The following ZNF568 variants were observed in gnomAD, a reference collection of about 807,000 sequenced individuals.
ZNF568 encodes p53 inhibitor of SCO2 activation.
In ZNF568, 11 loss-of-function variants were observed where a neutral mutation model predicts 18.1. That is an observed-to-expected ratio of 0.61 (90% CI 0.38 to 1.00). ZNF568 has a LOEUF of 1.00. Among genes scored for constraint, ZNF568 ranks in the 50% least tolerant of loss-of-function variants. The probability of loss-of-function intolerance (pLI) is 0.01; values close to 1 mark genes in which losing one functional copy is unlikely to be tolerated. For missense variants in ZNF568, 639 were observed against 768.2 expected (o/e 0.83, Z 1.99); for synonymous variants, 213 against 246.6 (o/e 0.86, Z 1.28).
At chr19:36,974,278 TGAGGATGA>T in intron 6 of ZNF568, 1 of 661,734 alleles carries the variant, frequency 1.5e-6, no homozygotes, top group Non-Finnish European at 2.5e-6. Flanking sequence ...CATTTCTTTG[TGAGGATGA>T]CAGAGAGCGG....
chr19:36,977,837 G>A (rs10407712), intron 7 of ZNF568, among the ~76,000 whole-genome samples: 2 of 152,084 alleles, frequency 1.3e-5, no homozygotes, highest in South Asian at 4.1e-4. Flanking sequence ...TCTGCCATTT[G>A]CTAGCTCTGT....
intron 2 of ZNF568, among the ~76,000 whole-genome samples, chr19:36,920,178 G>T (rs1177148205): frequency 6.6e-6 from 1 of 151,092 alleles, no homozygotes; most frequent in Non-Finnish European, 1.5e-5. Flanking sequence ...ATGGGTGTTT[G>T]TGTCTTAATT....
chr19:36,991,546 G>A, intron 3 of ZNF568: 1 of 632,334 alleles, frequency 1.6e-6, no homozygotes, highest in Non-Finnish European at 2.6e-6. Flanking sequence ...TGATGAAGTG[G>A]AAATGAATGG....
intron 2 of ZNF568, among the ~76,000 whole-genome samples, chr19:36,985,433 A>G (rs2074367328): frequency 6.6e-6 from 1 of 152,186 alleles, no homozygotes; most frequent in African/African-American, 2.4e-5. Context: ...CATAATGAAA[A>G]GTTGAAACAA....
chr19:36,991,631 C>T, intron 3 of ZNF568: 1 of 774,078 alleles, frequency 1.3e-6, no homozygotes, highest in Non-Finnish European at 2.0e-6. Flanking sequence ...TATTGTGGTG[C>T]TCTGACCCTC....
At chr19:36,946,988 A>ACATT (rs2073977685) in intron 6 of ZNF568, among the ~76,000 whole-genome samples, 1 of 149,620 alleles carries the variant, frequency 6.7e-6, no homozygotes, top group Non-Finnish European at 1.5e-5. Flanking sequence ...GAATGGTTGG[A>ACATT]TCAGAACCTA....
chr19:36,923,038 T>C (rs533165320), intron 3 of ZNF568, among the ~76,000 whole-genome samples, 192 bp downstream of exon 3: 2 of 98,620 alleles, frequency 2.0e-5, no homozygotes, highest in South Asian at 5.9e-4. Context: ...GCAATTTTTA[T>C]TTCTTAAGAG....
intron 3 of ZNF568, 80 bp from the exon 4 acceptor site, chr19:36,925,120 C>G: frequency 1.5e-6 from 2 of 1,320,774 alleles, no homozygotes; most frequent in South Asian, 1.2e-5. Context: ...AGAGGGTCTT[C>G]TAGCCACCTG....
exon 3 of ZNF568, chr19:36,991,197 G>A (rs1186767226): frequency 6.5e-7 from 1 of 1,535,966 alleles, no homozygotes; most frequent in East Asian, 2.4e-5. Flanking sequence ...CAAAGATGTG[G>A]TCATTTACTT....
chr19:36,980,181 C>T (rs1031465048), downstream of ZNF568: 11 of 152,186 alleles, frequency 7.2e-5, no homozygotes, highest in African/African-American at 2.6e-4. Flanking sequence ...TTACTTTAAC[C>T]TTTAAATGAT....
intron 7 of ZNF568, among the ~76,000 whole-genome samples, chr19:36,976,967 G>A (rs554127000): frequency 4.6e-4 from 70 of 152,170 alleles, no homozygotes; most frequent in Non-Finnish European, 9.3e-4. Context: ...GACTTCCTTT[G>A]CCCACTTGTC....
At chr19:36,995,355 C>G (rs896011495) in intron 4 of ZNF568, among the ~76,000 whole-genome samples, 1 of 152,122 alleles carries the variant, frequency 6.6e-6, no homozygotes, top group African/African-American at 2.4e-5. Flanking sequence ...GCTGAGATCA[C>G]GTCATTGCAC....
intron 7 of ZNF568, among the ~76,000 whole-genome samples, chr19:36,977,541 C>T (rs1445458566): frequency 6.6e-6 from 1 of 152,092 alleles, no homozygotes; most frequent in Non-Finnish European, 1.5e-5. Context: ...CTGAATTAAT[C>T]AGTTTCTTTC....
At chr19:36,995,228 T>C (rs560723211) in intron 4 of ZNF568, among the ~76,000 whole-genome samples, 6 of 152,106 alleles carry the variant, frequency 3.9e-5, no homozygotes, top group Non-Finnish European at 7.3e-5. Flanking sequence ...CGAAACCCTG[T>C]ATCTATTAAA....
chr19:36,997,602 C>T (rs759617839), downstream of ZNF568: 4 of 1,547,872 alleles, frequency 2.6e-6, no homozygotes, highest in Non-Finnish European at 2.6e-6. Context: ...TTAGTTGACA[C>T]CAGAAAATTC....
At chr19:36,926,917 GC>G (rs1241985812) in intron 4 of ZNF568, among the ~76,000 whole-genome samples, 1 of 152,104 alleles carries the variant, frequency 6.6e-6, no homozygotes, top group African/African-American at 2.4e-5. Context: ...TGACTCTAGG[GC>G]CCACACTCTA....
At chr19:36,962,644 A>G (rs562386581) in intron 6 of ZNF568, among the ~76,000 whole-genome samples, 15 of 152,176 alleles carry the variant, frequency 9.9e-5, no homozygotes, top group African/African-American at 3.4e-4. Context: ...CCCAGCCTTC[A>G]GCTTTTCTTG....
chr19:36,994,075 C>G (rs751506254), intron 4 of ZNF568, among the ~76,000 whole-genome samples: 15 of 150,670 alleles, frequency 1.0e-4, no homozygotes, highest in East Asian at 2.0e-4. Flanking sequence ...TCCCTTTAAG[C>G]CCTGCTTTAG....
intron 4 of ZNF568, among the ~76,000 whole-genome samples, chr19:36,994,325 T>C (rs889253456): frequency 4.6e-5 from 7 of 152,190 alleles, no homozygotes; most frequent in Non-Finnish European, 7.3e-5. Context: ...TATGGCTTAA[T>C]ATATGGTCTA....
Sources: gnomAD v4.1 joint callset for allele counts (sites outside exome capture counted in the v4.1 genomes callset) on GRCh38, gnomAD v4.1.1 for gene constraint, MANE v1.5 for transcripts, NCBI Gene and HGNC (gene_info 2026-07-23, HGNC 2026-07-21) for gene names.